GON4L: variants seen among roughly 807,000 people sequenced by gnomAD.
GON4L encodes gon-4 like.
In GON4L, 87 loss-of-function variants were observed where a neutral mutation model predicts 211.8. The observed-to-expected ratio is 0.41, with a 90% confidence interval of 0.35 to 0.49. GON4L has a LOEUF of 0.49. Among genes scored for constraint, GON4L ranks in the 20% least tolerant of loss-of-function variants. GON4L has a pLI of 0.15. For synonymous variants in GON4L, 875 were observed against 962.6 expected (o/e 0.91, Z 1.68); for missense variants, 2,155 against 2,659.5 (o/e 0.81, Z 4.17).
At position 155,771,296 on chromosome 1, in the gene GON4L, A is replaced by T; in HGVS notation, c.2496-79T>A. On this transcript the variant is annotated intron_variant, in intron 18 of 31. Transcript: ENST00000368331. ...GTCTCCCCAGACTAACACATTTTAC[A>T]ATCTACTCTTTCATTTTTTTCTTGA... 1.9e-6 allele frequency: 3 copies of T among 1,587,482 alleles called. No individual in the cohort carries two copies. The South Asian group carries it at 3.4e-5, about 18-fold the overall frequency.
At chr1:155,854,294 A>C (rs887388590) in intron 1 of GON4L, among the ~76,000 whole-genome samples, 3 of 152,128 alleles carry the variant, frequency 2.0e-5, no homozygotes, top group African/African-American at 7.2e-5. Flanking sequence ...CTGGGACTAC[A>C]GGCGTGCACC....
chr1:155,824,434 CAAAAAAAAAAAAAAAAA>C (rs769823401), intron 3 of GON4L, among the ~76,000 whole-genome samples: 1 of 7,418 alleles, frequency 1.3e-4, no homozygotes, highest in Non-Finnish European at 2.6e-4. Context: ...AACTCCACAT[CAAAAAAAAAAAAAAAAA>C]AAAAAAAAAA....
rs1290420630 is a variant in GON4L, at chr1:155,821,110, C to CA, written c.963+363dup. Among the ~76,000 whole-genome samples the CA allele has an allele frequency of 3.3e-5, 5 of 151,776 alleles. No homozygotes were observed. In the East Asian group the frequency reaches 9.7e-4, roughly 29 times the overall value. ...TGAAACCCCGTCTCTATTAAAAATA[C>CA]AAAAAATTAGCCGGGCGTGGTTGCA... On this transcript the variant is annotated intron_variant, in intron 5 of 31. Transcript: ENST00000368331.
intron 27 of GON4L, among the ~76,000 whole-genome samples, chr1:155,756,110 CTTCAG>C (rs1341381392): frequency 6.6e-6 from 1 of 152,084 alleles, no homozygotes; most frequent in African/African-American, 2.4e-5. Context: ...CCTCTCTGCA[CTTCAG>C]TTATGTCTTC....
chr1:155,777,704 A>T lies in GON4L; in HGVS notation c.2009T>A (p.Val670Asp). 1 of 1,613,426 alleles carries T rather than the reference A, an allele frequency of 6.2e-7. No homozygotes were observed. The highest frequency in any genetic ancestry group is 8.5e-7 in the Non-Finnish European group (1 of 1,179,416). ...SAKQLQEVEK[V>D]KPQSEKVHQT... ...ATGAACTTTCTCACTCTGGGGTTTA[A>T]CCTTCTCTACTTCCTGCAGCTGTTT... The change falls in exon 15 of 32, where the codon GTT becomes GAT. Residue 670 changes from valine to aspartate, a missense_variant. Physicochemically the swap from Val to Asp is radical, Grantham distance 152. This residue lies in a region of GON4L where 551 missense variants were observed against 854.0 expected (regional missense o/e 0.65). Transcript: ENST00000368331.
At chr1:155,848,795 G>A (rs1309614169) in intron 2 of GON4L, among the ~76,000 whole-genome samples, 1 of 152,174 alleles carries the variant, frequency 6.6e-6, no homozygotes, top group Non-Finnish European at 1.5e-5. Flanking sequence ...AAAAATCTGA[G>A]AGATAAAAGT....
chr1:155,811,879 C>T (rs894687714), intron 10 of GON4L, among the ~76,000 whole-genome samples: 22 of 150,602 alleles, frequency 1.5e-4, no homozygotes, highest in Non-Finnish European at 2.9e-4. Context: ...AGTGAAACTC[C>T]ATTTCTACTA....
At chr1:155,748,045 C>G, downstream of GON4L, 4 of 1,607,442 alleles carry the variant, frequency 2.5e-6, no homozygotes, top group Non-Finnish European at 3.4e-6. Context: ...CTGCTCACAG[C>G]TCTCGTCTGC....
intron 12 of GON4L, among the ~76,000 whole-genome samples, chr1:155,793,909 T>C (rs1665838856): frequency 6.6e-6 from 1 of 151,638 alleles, no homozygotes; most frequent in East Asian, 2.0e-4. Flanking sequence ...CACTCCTAGC[T>C]CAATGATATA....
chr1:155,837,070 A>G (rs1269538204), intron 2 of GON4L, among the ~76,000 whole-genome samples: 2 of 152,118 alleles, frequency 1.3e-5, no homozygotes, highest in African/African-American at 2.4e-5. Flanking sequence ...CAGGTTTTTC[A>G]GCATTTGGTG....
intron 10 of GON4L, among the ~76,000 whole-genome samples, chr1:155,810,487 C>A (rs1667652099): frequency 6.7e-6 from 1 of 149,050 alleles, no homozygotes. Context: ...GCAGGCGGAT[C>A]ATGAGGTCAG....
intron 23 of GON4L, among the ~76,000 whole-genome samples, chr1:155,761,175 G>GTTTTTT (rs921323729): frequency 1.8e-5 from 2 of 109,560 alleles, no homozygotes; most frequent in Non-Finnish European, 1.8e-5. Context: ...CTTATGTGTG[G>GTTTTTT]TTTTTTTTTT....
chr1:155,760,685 C>T, intron 23 of GON4L, 44 bp from the exon 24 acceptor site: 1 of 1,319,144 alleles, frequency 7.6e-7, no homozygotes, highest in Non-Finnish European at 1.1e-6. Context: ...TTATTTGGGC[C>T]ACAACAAGCA....
chr1:155,799,649 T>G (rs746190224), intron 11 of GON4L, among the ~76,000 whole-genome samples: 1 of 152,180 alleles, frequency 6.6e-6, no homozygotes, highest in Non-Finnish European at 1.5e-5. Context: ...CCCTGAAATC[T>G]GTATCTTTAA....
At chr1:155,755,833 G>GT (rs1661111253) in intron 27 of GON4L, among the ~76,000 whole-genome samples, 2 of 151,976 alleles carry the variant, frequency 1.3e-5, no homozygotes, top group Admixed American at 1.3e-4. Flanking sequence ...AACCCAAGAC[G>GT]TAAGTAAGTA....
At chr1:155,824,094 G>A (rs1012928819) in intron 3 of GON4L, among the ~76,000 whole-genome samples, 3 of 151,996 alleles carry the variant, frequency 2.0e-5, no homozygotes, top group Non-Finnish European at 2.9e-5. Context: ...ACCACTCACA[G>A]TAGCCCACAA....
intron 2 of GON4L, among the ~76,000 whole-genome samples, chr1:155,840,301 G>A (rs1670657687): frequency 1.3e-5 from 2 of 152,172 alleles, no homozygotes; most frequent in African/African-American, 4.8e-5. Flanking sequence ...CTTCCCATAA[G>A]GAGAGACAAT....
intron 2 of GON4L, among the ~76,000 whole-genome samples, chr1:155,842,274 C>A (rs1271003916): frequency 6.6e-6 from 1 of 152,082 alleles, no homozygotes; most frequent in Non-Finnish European, 1.5e-5. Flanking sequence ...CCTGTAATCC[C>A]AGCACTTTGG....
chr1:155,820,529 T>C, intron 6 of GON4L, 77 bp downstream of exon 6: 2 of 948,992 alleles, frequency 2.1e-6, no homozygotes, highest in South Asian at 1.3e-5. Flanking sequence ...ATCTTTCCTA[T>C]ATTTTTCCCT....
Sources: gnomAD v4.1 joint callset for allele counts (sites outside exome capture counted in the v4.1 genomes callset) on GRCh38, gnomAD v4.1.1 for gene constraint, gnomAD v4.1.1 regional missense constraint, MANE v1.5 for transcripts, NCBI Gene and HGNC (gene_info 2026-07-23, HGNC 2026-07-21) for gene names.